Variants in BTG4 observed in about 807,000 individuals in gnomAD.
The protein encoded by BTG4 is protein BTG4.
Under a neutral mutation model 19.3 loss-of-function variants are expected in BTG4, and 10 were observed. The ratio of observed to expected loss-of-function variants is 0.52; its 90% CI spans 0.32 to 0.88. BTG4 has a LOEUF of 0.88. Among genes scored for constraint, BTG4 ranks in the 40% least tolerant of loss-of-function variants. BTG4 has a pLI of 0.04. For missense variants in BTG4, 238 were observed against 281.9 expected (o/e 0.84, Z 1.11); for synonymous variants, 91 against 95.7 (o/e 0.95, Z 0.29).
chr11:111,426,223 T>G, the BTG4 span, among the ~76,000 whole-genome samples: 1 of 149,436 alleles, frequency 6.7e-6, no homozygotes, highest in African/African-American at 2.5e-5. Flanking sequence ...CAGAGAGAGG[T>G]GAGAATTGCC....
At chr11:111,400,859 AC>A in the BTG4 span, 2 of 152,056 alleles carry the variant, frequency 1.3e-5, no homozygotes, top group Non-Finnish European at 2.9e-5. Flanking sequence ...CTTTCTAAAA[AC>A]CCATAGCCCC....
chr11:111,503,257 G>C (rs1277887464), intron 1 of BTG4, among the ~76,000 whole-genome samples: 1 of 152,194 alleles, frequency 6.6e-6, no homozygotes, highest in African/African-American at 2.4e-5. Context: ...TTCAGTGGAA[G>C]AGTCGGTATA....
At chr11:111,501,930 T>C (rs367809060) in intron 1 of BTG4, among the ~76,000 whole-genome samples, 5 of 152,224 alleles carry the variant, frequency 3.3e-5, no homozygotes, top group Non-Finnish European at 5.9e-5. Context: ...ACATCTACTA[T>C]GTACCCAGAA....
chr11:111,474,967 T>A (rs532688091), intron 5 of BTG4: 1 of 152,682 alleles, frequency 6.5e-6, no homozygotes, highest in East Asian at 1.9e-4. Context: ...TTGCCCATTT[T>A]CCATTAGATT....
At chr11:111,421,786 G>A in the BTG4 span, among the ~76,000 whole-genome samples, 1 of 152,096 alleles carries the variant, frequency 6.6e-6, no homozygotes, top group Non-Finnish European at 1.5e-5. Flanking sequence ...GGTGACAGGG[G>A]CCTGCAATCC....
intron 4 of BTG4, chr11:111,496,954 G>T (rs1865773772): frequency 1.0e-5 from 4 of 389,500 alleles, no homozygotes; most frequent in African/African-American, 8.3e-5. Context: ...AAGGAAACCT[G>T]TGTATCTTCA....
At chr11:111,405,337 GA>G in the BTG4 span, among the ~76,000 whole-genome samples, 1 of 148,636 alleles carries the variant, frequency 6.7e-6, no homozygotes, top group South Asian at 2.1e-4. Flanking sequence ...CTGGGAGGCG[GA>G]GGGTGTGGTG....
At chr11:111,493,553 A>G (rs1865546181), downstream of BTG4, among the ~76,000 whole-genome samples, 2 of 152,170 alleles carry the variant, frequency 1.3e-5, no homozygotes, top group African/African-American at 2.4e-5. Flanking sequence ...GGAGACCAGA[A>G]TTCACCCACA....
At position 111,483,258 on chromosome 11, in the gene BTG4, G is replaced by T. The variant is rs116880241; in HGVS notation, c.662+11905C>A. On this transcript the variant is annotated intron_variant, in intron 5 of 5. Transcript: ENST00000356018. ...AATATGTGGAAAGCCTTCTCAAGAA[G>T]GGCAGGTACAAATAAATCCAGATTA... Among the ~76,000 whole-genome samples, 91 of 152,238 alleles carry T rather than the reference G, an allele frequency of 6.0e-4. 1 individual carries two copies. In the East Asian group the frequency reaches 0.016, roughly 27 times the overall value.
chr11:111,447,800 G>A, the BTG4 span, among the ~76,000 whole-genome samples: 5 of 152,190 alleles, frequency 3.3e-5, no homozygotes, highest in Non-Finnish European at 7.4e-5. Flanking sequence ...TTCAGTGAGT[G>A]CATCCCGGAG....
the BTG4 span, among the ~76,000 whole-genome samples, chr11:111,442,598 AAACAAC>A: frequency 4.6e-5 from 7 of 151,464 alleles, no homozygotes; most frequent in Non-Finnish European, 5.9e-5. Context: ...AGTACTCGAA[AAACAAC>A]AACAACAACA....
chr11:111,448,937 T>C, the BTG4 span, among the ~76,000 whole-genome samples: 1 of 152,202 alleles, frequency 6.6e-6, no homozygotes, highest in Admixed American at 6.5e-5. Context: ...ACCTGTGTTT[T>C]CATTTGCTAA....
chr11:111,468,065 T>C (rs902359454), intron 5 of BTG4, among the ~76,000 whole-genome samples: 1 of 152,220 alleles, frequency 6.6e-6, no homozygotes, highest in African/African-American at 2.4e-5. Context: ...GGTAACTGCC[T>C]TAAACACTGA....
the BTG4 span, among the ~76,000 whole-genome samples, chr11:111,409,694 A>C: frequency 6.6e-6 from 1 of 152,202 alleles, no homozygotes; most frequent in Non-Finnish European, 1.5e-5. Context: ...AGACTAAGAC[A>C]CTAGGGATAT....
At chr11:111,384,234 C>A in the BTG4 span, among the ~76,000 whole-genome samples, 1 of 151,790 alleles carries the variant, frequency 6.6e-6, no homozygotes, top group African/African-American at 2.4e-5. Flanking sequence ...ATGGTGTTGG[C>A]CAGTACTATG....
the BTG4 span, among the ~76,000 whole-genome samples, chr11:111,425,165 C>CGT: frequency 3.9e-4 from 60 of 151,996 alleles, 2 homozygotes; most frequent in Admixed American, 3.9e-3. Flanking sequence ...CCAGGCAGAA[C>CGT]GTGTGCAAAG....
chr11:111,461,670 C>T, the BTG4 span, among the ~76,000 whole-genome samples: 23 of 133,878 alleles, frequency 1.7e-4, no homozygotes, highest in East Asian at 1.0e-3. Flanking sequence ...GCCGAGATTG[C>T]GCCATTGCCC....
Position 111,494,985 on chromosome 11 carries a change from T to C in BTG4, c.*150A>G. ...AAAGTACAGCTAAGAACAGTGATGA[T>C]CTGTATGAGAGGATTTACCATTGTG... is the stretch of plus-strand genomic sequence containing the variant. On this transcript the variant is annotated 3_prime_UTR_variant, in exon 5 of 5. Transcript: ENST00000692032. The C allele has an allele frequency of 1.0e-6, 1 of 985,324 alleles. No homozygotes were observed. Among genetic ancestry groups the C allele is most frequent in the Non-Finnish European group, 1.2e-6 (1 of 829,858 alleles). The allele number at this position is 985,324 out of a possible 1,614,324, so 61.0% of individuals were successfully genotyped here.
At chr11:111,412,093 G>A in the BTG4 span, among the ~76,000 whole-genome samples, 1 of 152,234 alleles carries the variant, frequency 6.6e-6, no homozygotes, top group African/African-American at 2.4e-5. Flanking sequence ...GACCAGAAAT[G>A]AGAGACAAGG....
Sources: gnomAD v4.1 joint callset for allele counts (sites outside exome capture counted in the v4.1 genomes callset) on GRCh38, gnomAD v4.1.1 for gene constraint, MANE v1.5 for transcripts, NCBI Gene and HGNC (gene_info 2026-07-23, HGNC 2026-07-21) for gene names.